The following SMARCC1 variants were observed in gnomAD, a reference collection of about 807,000 sequenced individuals.
SMARCC1 encodes the protein SWI/SNF complex subunit SMARCC1.
A neutral mutation model predicts 147.4 loss-of-function variants in SMARCC1; 43 were observed. The observed-to-expected ratio is 0.29, with a 90% confidence interval of 0.23 to 0.38. The LOEUF (loss-of-function observed/expected upper bound fraction) is 0.38. Among genes scored for constraint, SMARCC1 ranks in the 10% least tolerant of loss-of-function variants. SMARCC1 has a pLI of 1.00. For missense variants in SMARCC1, 1,119 were observed against 1,381.1 expected (o/e 0.81, Z 3.01); for synonymous variants, 495 against 484.4 (o/e 1.02, Z -0.29).
chr3:47,748,698 A>G (rs564435794), intron 2 of SMARCC1, among the ~76,000 whole-genome samples: 1 of 152,358 alleles, frequency 6.6e-6, no homozygotes, highest in Admixed American at 6.5e-5. Flanking sequence ...TAAACTGAGC[A>G]TCGAATAGGC....
chr3:47,707,360 C>T (rs1343367535), intron 9 of SMARCC1, among the ~76,000 whole-genome samples: 3 of 151,520 alleles, frequency 2.0e-5, no homozygotes, highest in Non-Finnish European at 2.9e-5. Flanking sequence ...AAAACTATCC[C>T]GGCTTGCAGA....
intron 24 of SMARCC1, among the ~76,000 whole-genome samples, chr3:47,624,093 C>T (rs1001528545): frequency 2.6e-5 from 4 of 151,938 alleles, no homozygotes; most frequent in African/African-American, 7.2e-5. Flanking sequence ...AGTTCGAGAC[C>T]AGCCCGGCCA....
At chr3:47,776,540 G>A (rs1297641504) in intron 1 of SMARCC1, among the ~76,000 whole-genome samples, 5 of 151,736 alleles carry the variant, frequency 3.3e-5, no homozygotes, top group Non-Finnish European at 7.4e-5. Flanking sequence ...GGAGACAGAG[G>A]TTGCAGCAAG....
At chr3:47,633,741 CAAAAAA>C (rs1162764544) in intron 24 of SMARCC1, among the ~76,000 whole-genome samples, 1 of 8,626 alleles carries the variant, frequency 1.2e-4, no homozygotes, top group African/African-American at 5.2e-4. Context: ...GAGACTGTCT[CAAAAAA>C]AAAAAAAAAA....
At chr3:47,653,709 C>T (rs1213016284) in intron 21 of SMARCC1, among the ~76,000 whole-genome samples, 2 of 152,190 alleles carry the variant, frequency 1.3e-5, no homozygotes, top group Admixed American at 1.3e-4. Flanking sequence ...GCATAAGTTA[C>T]AGGGACCTAT....
chr3:47,621,129 G>A (rs559380593), intron 25 of SMARCC1, among the ~76,000 whole-genome samples: 10 of 151,970 alleles, frequency 6.6e-5, no homozygotes, highest in African/African-American at 1.9e-4. Context: ...GTGAAACCCC[G>A]TCTCTACTAA....
rs2034582568 is a variant in SMARCC1 at position 47,747,741 on chromosome 3, T to C, written c.316-1748A>G. The stretch of plus-strand genomic sequence containing the variant: ...AAGGCAGGGAGGAAGGGAGGACTGC[T>C]TGAAGCCAGGAGTTTGAGGCCAGCT... On this transcript the variant is annotated intron_variant, in intron 2 of 27. Coordinates refer to ENST00000254480, the MANE Select transcript of SMARCC1 (RefSeq NM_003074.4). Among the ~76,000 whole-genome samples, 4 of 152,076 alleles carry C rather than the reference T, an allele frequency of 2.6e-5. No individual in the cohort carries two copies. In the South Asian group the frequency reaches 8.3e-4, roughly 31 times the overall value.
chr3:47,770,213 G>A (rs893475983), intron 2 of SMARCC1, among the ~76,000 whole-genome samples: 4 of 151,882 alleles, frequency 2.6e-5, no homozygotes, highest in African/African-American at 9.7e-5. Context: ...GGGTGACAGA[G>A]TGAGACTGTC....
chr3:47,730,775 A>G (rs1576424792), intron 5 of SMARCC1, among the ~76,000 whole-genome samples: 1 of 151,928 alleles, frequency 6.6e-6, no homozygotes, highest in Non-Finnish European at 1.5e-5. Context: ...CTGAGGCAGG[A>G]GAATCCCTTG....
At chr3:47,730,148 G>A (rs1372024079) in intron 5 of SMARCC1, among the ~76,000 whole-genome samples, 1 of 151,962 alleles carries the variant, frequency 6.6e-6, no homozygotes, top group Non-Finnish European at 1.5e-5. Context: ...CACTAGCTTG[G>A]GGGACAGAGT....
chr3:47,742,289 T>C (rs1576428138), intron 3 of SMARCC1, among the ~76,000 whole-genome samples: 1 of 150,300 alleles, frequency 6.7e-6, no homozygotes, highest in East Asian at 2.0e-4. Context: ...AAAAAAAACA[T>C]GTAACAATCT....
intron 7 of SMARCC1, among the ~76,000 whole-genome samples, chr3:47,715,415 A>C (rs1207107926): frequency 6.6e-6 from 1 of 152,196 alleles, no homozygotes; most frequent in Non-Finnish European, 1.5e-5. Context: ...AAATCCTTGG[A>C]AACAGCCTTG....
intron 1 of SMARCC1, among the ~76,000 whole-genome samples, chr3:47,781,042 C>T (rs1401392480): frequency 2.6e-5 from 4 of 152,152 alleles, no homozygotes; most frequent in Non-Finnish European, 5.9e-5. Context: ...GAACACTTTA[C>T]GTACAAGCGA....
intron 19 of SMARCC1, among the ~76,000 whole-genome samples, chr3:47,667,958 C>T (rs1442479649): frequency 6.6e-6 from 1 of 152,068 alleles, no homozygotes; most frequent in African/African-American, 2.4e-5. Context: ...AGGAGGATCA[C>T]TAGAGACCAG....
chr3:47,600,998 T>TGAGAGAGAGAGAGAGAGAGAGAGAGA lies in SMARCC1; in HGVS notation c.3043+9042_3043+9067dup, dbSNP rs66582985. 5.9e-5 allele frequency among the ~76,000 whole-genome samples: 5 copies of TGAGAGAGAGAGAGAGAGAGAGAGAGA among 85,192 alleles called. 1 individual carries two copies. The highest frequency in any genetic ancestry group is 1.5e-4 in the African/African-American group (3 of 19,548). 55.9% of individuals were successfully genotyped at this position (85,192 alleles called of 152,430 possible). ...CCAGCAGACAGGGAGAGGAAGAAAA[T>TGAGAGAGAGAGAGAGAGAGAGAGAGA]GAGAGAGAGAGAGAGAGAGAGAGAG... On this transcript the variant is annotated intron_variant, in intron 26 of 27. Coordinates refer to ENST00000254480, the MANE Select transcript of SMARCC1 (RefSeq NM_003074.4).
chr3:47,608,955 G>A (rs2032523238), intron 26 of SMARCC1, among the ~76,000 whole-genome samples: 3 of 150,970 alleles, frequency 2.0e-5, no homozygotes, highest in Non-Finnish European at 4.4e-5. Context: ...CATATGACAT[G>A]ACACTATGCA....
At chr3:47,731,970 G>T (rs1431142639) in intron 5 of SMARCC1, among the ~76,000 whole-genome samples, 3 of 152,176 alleles carry the variant, frequency 2.0e-5, no homozygotes, top group African/African-American at 7.2e-5. Flanking sequence ...TTTAAGCCAG[G>T]CATTGACTTC....
chr3:47,779,282 A>G (rs1431828952), intron 1 of SMARCC1, among the ~76,000 whole-genome samples: 6 of 152,216 alleles, frequency 3.9e-5, no homozygotes, highest in Admixed American at 3.3e-4. Flanking sequence ...TAACAAAATC[A>G]TGTTTACTGA....
intron 25 of SMARCC1, among the ~76,000 whole-genome samples, chr3:47,621,298 C>CAAAAAAAAAAAAA (rs1183934374): frequency 1.6e-5 from 1 of 63,192 alleles, no homozygotes; most frequent in South Asian, 6.0e-4. Flanking sequence ...GACTCCGTCT[C>CAAAAAAAAAAAAA]AAAAAAAAAA....
Sources: allele counts gnomAD v4.1 joint callset (sites outside exome capture counted in the v4.1 genomes callset), GRCh38; gene constraint gnomAD v4.1.1; transcripts MANE v1.5; gene names NCBI Gene and HGNC (gene_info 2026-07-23, HGNC 2026-07-21).